The following PIK3CA variants were observed in gnomAD, a reference collection of about 807,000 sequenced individuals.
The protein encoded by PIK3CA is phosphatidylinositol 4,5-bisphosphate 3-kinase catalytic subunit alpha isoform.
A neutral mutation model predicts 138.2 loss-of-function variants in PIK3CA; 27 were observed. The observed-to-expected ratio is 0.20, with a 90% CI of 0.14 to 0.27. PIK3CA has a LOEUF of 0.27. Among genes scored for constraint, PIK3CA ranks in the 10% least tolerant of loss-of-function variants. The pLI is 1.00. For missense variants in PIK3CA, 544 were observed against 1,277.4 expected, an observed-to-expected ratio of 0.43 and a Z score of 8.75; for synonymous variants, 358 against 413.2, an observed-to-expected ratio of 0.87 and a Z score of 1.62.
chr3:179,237,904 C>G lies in PIK3CA; in HGVS notation c.*3540C>G. 2 of 210,434 alleles carry G rather than the reference C, an allele frequency of 9.5e-6. No individual in the cohort carries two copies. Among genetic ancestry groups the G allele is most frequent in the East Asian group, 1.4e-4 (2 of 14,154 alleles). The allele number at this position is 210,434 out of a possible 1,614,324, so 13.0% of individuals were successfully genotyped here. ...AAACTGCAGACCTGGGCTGGACCCA[C>G]ATACTCAAGAGTCCACCTTAAGAAA... is the stretch of plus-strand genomic sequence containing the variant. On this transcript the variant is annotated 3_prime_UTR_variant, in exon 21 of 21. Transcript: ENST00000263967.
chr3:179,170,076 G>GCAA (rs1723520075), intron 1 of PIK3CA, among the ~76,000 whole-genome samples: 2 of 139,210 alleles, frequency 1.4e-5, no homozygotes, highest in Non-Finnish European at 3.1e-5. Context: ...ACGCGCGCGC[G>GCAA]CACACACACA....
chr3:179,202,819 A>G (rs1162524167), intron 4 of PIK3CA, among the ~76,000 whole-genome samples: 5 of 152,198 alleles, frequency 3.3e-5, no homozygotes. Context: ...GCAAGTGAAC[A>G]GCAGCCTTTG....
chr3:179,167,790 C>T (rs1303506813), intron 1 of PIK3CA, among the ~76,000 whole-genome samples: 1 of 152,140 alleles, frequency 6.6e-6, no homozygotes, highest in Non-Finnish European at 1.5e-5. Context: ...TTCATATATT[C>T]CACATACTGC....
intron 1 of PIK3CA, among the ~76,000 whole-genome samples, chr3:179,160,146 A>C (rs1723239706): frequency 2.6e-5 from 4 of 152,122 alleles, no homozygotes; most frequent in Admixed American, 6.5e-5. Flanking sequence ...AAGTAAAGTA[A>C]TTGCGCTACA....
intron 2 of PIK3CA, 83 bp from the exon 3 acceptor site, chr3:179,199,607 A>G (rs1285616113): frequency 3.0e-6 from 3 of 997,194 alleles, no homozygotes; most frequent in Admixed American, 4.4e-5. Flanking sequence ...TTCCAAATCT[A>G]CAGAGTTCCC....
chr3:179,148,139 C>G (rs999868770), upstream of PIK3CA: 1 of 151,846 alleles, frequency 6.6e-6, no homozygotes, highest in African/African-American at 2.4e-5. Context: ...GGCTCTGCCC[C>G]TCCTCAGCTC....
At chr3:179,189,237 AT>A (rs1408571309) in intron 1 of PIK3CA, among the ~76,000 whole-genome samples, 1 of 152,202 alleles carries the variant, frequency 6.6e-6, no homozygotes, top group Non-Finnish European at 1.5e-5. Context: ...AAATAAAAAA[AT>A]AAAATTCAAA....
In PIK3CA at chr3:179,167,360, C is replaced by T. The variant is rs568726449; in HGVS notation, c.-77+18757C>T. 8.5e-5 allele frequency among the ~76,000 whole-genome samples: 13 copies of T among 152,102 alleles called. No individual in the cohort carries two copies. The South Asian group carries it at 2.7e-3, about 32-fold the overall frequency. On this transcript the variant is annotated intron_variant, in intron 1 of 20. Coordinates refer to ENST00000263967, the MANE Select transcript of PIK3CA (RefSeq NM_006218.4). ...TATCTCACTAGCCTTTCATTCATTT[C>T]TTTAGCTTCTGTTACTATCTTTCTA...
intron 9 of PIK3CA, among the ~76,000 whole-genome samples, chr3:179,216,052 G>T (rs532696712): frequency 6.6e-6 from 1 of 152,098 alleles, no homozygotes; most frequent in Admixed American, 6.6e-5. Flanking sequence ...CAAGGTTCCT[G>T]GGTGGTCAAG....
At position 179,238,922 on chromosome 3, in the gene PIK3CA, C is replaced by T. The variant is rs1470602423; in HGVS notation, c.*4558C>T. 2 of 218,038 alleles carry T rather than the reference C, an allele frequency of 9.2e-6. No homozygotes were observed. Among genetic ancestry groups the T allele is most frequent in the Admixed American group, 1.2e-4 (2 of 17,126 alleles). 13.5% of individuals were successfully genotyped at this position (218,038 alleles called of 1,614,324 possible). ...TTAGTCTTTAAATAAACTTCATGCA[C>T]CTATTCCACTTAAGGTTTTGCACCT... On this transcript the variant is annotated 3_prime_UTR_variant, in exon 21 of 21. Transcript: ENST00000263967.
At chr3:179,233,440 G>A (rs956279318) in intron 20 of PIK3CA, 6 of 392,382 alleles carry the variant, frequency 1.5e-5, no homozygotes, top group Non-Finnish European at 2.7e-5. Context: ...GTATTTATTT[G>A]TGTGATGCTG....
intron 14 of PIK3CA, 120 bp downstream of exon 14, chr3:179,221,277 A>C (rs1171205361): frequency 1.5e-6 from 1 of 653,288 alleles, no homozygotes; most frequent in African/African-American, 1.8e-5. Flanking sequence ...ATTTGGAACC[A>C]AGTTCCACTG....
At chr3:179,203,922 A>T in intron 5 of PIK3CA, 133 bp downstream of exon 5, 1 of 618,188 alleles carries the variant, frequency 1.6e-6, no homozygotes, top group Middle Eastern at 4.4e-4. Flanking sequence ...CTCCGAATGT[A>T]AAAATATATC....
intron 1 of PIK3CA, among the ~76,000 whole-genome samples, chr3:179,151,736 G>A (rs994281627): frequency 5.9e-5 from 9 of 152,120 alleles, no homozygotes; most frequent in African/African-American, 1.9e-4. Flanking sequence ...ATACTCTCCT[G>A]TGCAAATACA....
chr3:179,208,526 G>C (rs1198214446), intron 6 of PIK3CA, among the ~76,000 whole-genome samples: 1 of 151,958 alleles, frequency 6.6e-6, no homozygotes, highest in Non-Finnish European at 1.5e-5. Flanking sequence ...CACACTTAGT[G>C]AAAAAGGGGA....
chr3:179,173,760 C>G (rs1472175831), intron 1 of PIK3CA, among the ~76,000 whole-genome samples: 2 of 151,982 alleles, frequency 1.3e-5, no homozygotes, highest in African/African-American at 2.4e-5. Context: ...GAGTTTCACT[C>G]TTGTTGCCCA....
intron 1 of PIK3CA, among the ~76,000 whole-genome samples, chr3:179,153,296 CTTTA>C (rs1278132783): frequency 3.3e-5 from 5 of 152,048 alleles, no homozygotes; most frequent in South Asian, 4.2e-4. Context: ...TATATATCAC[CTTTA>C]TTTATTTGGT....
At chr3:179,197,278 C>G (rs1724290773) in intron 1 of PIK3CA, among the ~76,000 whole-genome samples, 2 of 152,136 alleles carry the variant, frequency 1.3e-5, no homozygotes, top group African/African-American at 4.8e-5. Context: ...ACCTCGTGAT[C>G]TGCCCACCTC....
rs2108412393 is a variant in PIK3CA, at chr3:179,220,127, ATTAC to A, written c.2015+79_2015+82del. 9.1e-7 allele frequency: 1 copy of A among 1,104,264 alleles called. No homozygotes were observed. Among genetic ancestry groups the A allele is most frequent in the African/African-American group, 1.6e-5 (1 of 62,404 alleles). 68.4% of individuals were successfully genotyped at this position (1,104,264 alleles called of 1,614,324 possible). On this transcript the variant is annotated intron_variant, in intron 13 of 20. Coordinates refer to ENST00000263967, the MANE Select transcript of PIK3CA (RefSeq NM_006218.4). This position sits in a 1 kb window ranked among gnomAD's most constrained non-coding sequence, Gnocchi z 4.1. ...TTTCTTAATAGATTTATAAATATGT[ATTAC>A]TTATATACTTTTGTTTATGTTTGGC...
Sources: gnomAD v4.1 joint callset for allele counts (sites outside exome capture counted in the v4.1 genomes callset) on GRCh38, gnomAD v4.1.1 for gene constraint, Gnocchi (gnomAD v3.1) non-coding constraint, MANE v1.5 for transcripts, NCBI Gene and HGNC (gene_info 2026-07-23, HGNC 2026-07-21) for gene names.